Variants in ACAP2 observed in about 807,000 individuals in gnomAD.
ACAP2 encodes the protein ArfGAP with coiled-coil, ankyrin repeat and PH domains 2.
Under a neutral mutation model 115.8 loss-of-function variants are expected in ACAP2, and 39 were observed. The ratio of observed to expected loss-of-function variants is 0.34; its 90% CI spans 0.26 to 0.44. ACAP2 has a LOEUF of 0.44. Ranked by LOEUF, ACAP2 falls within the 20% of genes least tolerant of loss-of-function variation. ACAP2 has a pLI of 1.00. For synonymous variants in ACAP2, 289 were observed against 315.8 expected, an observed-to-expected ratio of 0.92 and a Z score of 0.90; for missense variants, 662 against 927.6, an observed-to-expected ratio of 0.71 and a Z score of 3.72.
intron 10 of ACAP2, among the ~76,000 whole-genome samples, chr3:195,318,192 T>C (rs972335657): frequency 9.9e-5 from 15 of 152,214 alleles, no homozygotes; most frequent in African/African-American, 3.6e-4. Flanking sequence ...GTGAGTCAAT[T>C]AAAACTCCTT....
chr3:195,394,169 G>A (rs1039427383), intron 1 of ACAP2, among the ~76,000 whole-genome samples: 4 of 152,010 alleles, frequency 2.6e-5, no homozygotes, highest in Admixed American at 6.6e-5. Context: ...GCTGAATGGC[G>A]TACCCTCCCG....
chr3:195,279,665 G>C, intron 22 of ACAP2: 1 of 316,234 alleles, frequency 3.2e-6, no homozygotes, highest in Non-Finnish European at 5.6e-6. Flanking sequence ...AAAGCTCAGA[G>C]TTAGAAAAGA....
At chr3:195,309,633 T>A (rs1318664454) in intron 10 of ACAP2, among the ~76,000 whole-genome samples, 1 of 151,576 alleles carries the variant, frequency 6.6e-6, no homozygotes, top group African/African-American at 2.4e-5. Context: ...GATAATTCAG[T>A]AAGAGTTTGA....
At chr3:195,370,943 A>G (rs1451967072) in intron 4 of ACAP2, among the ~76,000 whole-genome samples, 1 of 136,536 alleles carries the variant, frequency 7.3e-6, no homozygotes, top group African/African-American at 2.9e-5. Context: ...CTAGAGTGAA[A>G]CTCTGTCTCA....
At chr3:195,415,974 G>A (rs1713688317) in intron 1 of ACAP2, among the ~76,000 whole-genome samples, 1 of 151,890 alleles carries the variant, frequency 6.6e-6, no homozygotes, top group South Asian at 2.1e-4. Context: ...TGGACAAACA[G>A]GCCAATAGAA....
intron 1 of ACAP2, among the ~76,000 whole-genome samples, chr3:195,425,212 G>C (rs1714590779): frequency 6.6e-6 from 1 of 151,978 alleles, no homozygotes; most frequent in African/African-American, 2.4e-5. Context: ...GCTTAGACTA[G>C]TCAGAGTCTC....
chr3:195,323,214 A>G (rs1431689710), intron 9 of ACAP2, among the ~76,000 whole-genome samples: 1 of 152,194 alleles, frequency 6.6e-6, no homozygotes, highest in Non-Finnish European at 1.5e-5. Context: ...ACTCAAGATC[A>G]TGATGAAACT....
chr3:195,301,426 T>C (rs1728048494), intron 15 of ACAP2, 149 bp downstream of exon 15: 4 of 665,740 alleles, frequency 6.0e-6, no homozygotes, highest in Non-Finnish European at 7.6e-6. Flanking sequence ...AAACACCAGA[T>C]TTGCCAAAAT....
chr3:195,335,093 T>C (rs1224413591), intron 7 of ACAP2, among the ~76,000 whole-genome samples: 1 of 152,170 alleles, frequency 6.6e-6, no homozygotes, highest in Non-Finnish European at 1.5e-5. Flanking sequence ...TATATGAAAT[T>C]TATGATATGT....
chr3:195,344,512 A>T (rs2108653975), intron 5 of ACAP2, among the ~76,000 whole-genome samples: 1 of 152,230 alleles, frequency 6.6e-6, no homozygotes, highest in Middle Eastern at 3.4e-3. Context: ...AATACTCGTA[A>T]GTCACAAAAA....
chr3:195,348,051 C>T (rs533365382), intron 4 of ACAP2, among the ~76,000 whole-genome samples: 330 of 133,028 alleles, frequency 2.5e-3, no homozygotes, highest in Non-Finnish European at 4.2e-3. Flanking sequence ...AAAAAGAAAA[C>T]TTGTAAAAAA....
chr3:195,417,786 A>G (rs1044745265), intron 1 of ACAP2, among the ~76,000 whole-genome samples: 2 of 152,114 alleles, frequency 1.3e-5, no homozygotes, highest in African/African-American at 4.8e-5. Context: ...CATCTCTACA[A>G]AAAATTTTAA....
chr3:195,301,572 T>C lies in ACAP2; in HGVS notation c.1395+3A>G. On this transcript the variant is annotated splice_donor_region_variant and intron_variant, in intron 15 of 22. Transcript: ENST00000326793. ...AATATTTTAAAGCAAAAATTTTTTT[T>C]ACCTTTAAAAGTTCTGGCTCCCAGG... is the stretch of plus-strand genomic sequence containing the variant. The C allele has an allele frequency of 1.3e-6, 2 of 1,599,456 alleles. No individual in the cohort carries two copies. Among genetic ancestry groups the C allele is most frequent in the Admixed American group, 1.8e-5 (1 of 56,252 alleles).
At position 195,386,507 on chromosome 3, in the gene ACAP2, C is replaced by G. The variant is rs141115451; in HGVS notation, c.112-4485G>C. 1.3e-3 allele frequency among the ~76,000 whole-genome samples: 193 copies of G among 152,188 alleles called. 1 individual carries two copies. Among genetic ancestry groups the G allele is most frequent in the African/African-American group, 4.5e-3 (187 of 41,514 alleles). ...GTCCTTTGCAGAGACATGGATGAAGCTGGAAACCATCATTCTCAGCAAACT... is the reference window on the plus strand; with the variant it reads ...GTCCTTTGCAGAGACATGGATGAAGGTGGAAACCATCATTCTCAGCAAACT... On this transcript the variant is annotated intron_variant, in intron 2 of 22. Coordinates refer to ENST00000326793, the MANE Select transcript of ACAP2 (RefSeq NM_012287.6).
At chr3:195,290,057 T>C (rs1727136191) in intron 20 of ACAP2, among the ~76,000 whole-genome samples, 3 of 152,046 alleles carry the variant, frequency 2.0e-5, no homozygotes, top group Non-Finnish European at 2.9e-5. Context: ...TGAAATAAAA[T>C]GGAAAGAATT....
intron 1 of ACAP2, among the ~76,000 whole-genome samples, chr3:195,440,022 C>G (rs1013302138): frequency 6.6e-6 from 1 of 151,856 alleles, no homozygotes; most frequent in African/African-American, 2.4e-5. Context: ...AATTAAGGGC[C>G]CAAACAAATT....
chr3:195,289,927 T>C (rs903492675), intron 20 of ACAP2, among the ~76,000 whole-genome samples: 1 of 151,974 alleles, frequency 6.6e-6, no homozygotes, highest in African/African-American at 2.4e-5. Flanking sequence ...GTAAACTTCA[T>C]AATAATAATA....
intron 13 of ACAP2, among the ~76,000 whole-genome samples, chr3:195,305,160 G>A (rs12494820): frequency 0.058 from 8,857 of 152,248 alleles, 477 homozygotes; most frequent in African/African-American, 0.13. Flanking sequence ...TGGAAATTAA[G>A]TATGTGCTAG....
At chr3:195,290,849 T>TAATAAATAATA (rs1727200348) in intron 20 of ACAP2, among the ~76,000 whole-genome samples, 2 of 134,192 alleles carry the variant, frequency 1.5e-5, no homozygotes, top group African/African-American at 5.9e-5. Context: ...AATAAATAAA[T>TAATAAATAATA]AATAAATAAA....
Sources: gnomAD v4.1 joint callset for allele counts (sites outside exome capture counted in the v4.1 genomes callset) on GRCh38, gnomAD v4.1.1 for gene constraint, MANE v1.5 for transcripts, NCBI Gene and HGNC (gene_info 2026-07-23, HGNC 2026-07-21) for gene names.